Variants in KLRD1 observed in about 807,000 individuals in gnomAD.
The protein encoded by KLRD1 is killer cell lectin like receptor D1, also known as natural killer cells antigen CD94.
In KLRD1, 21 loss-of-function variants were observed where a neutral mutation model predicts 22.6. The ratio of observed to expected loss-of-function variants is 0.93; its 90% confidence interval spans 0.66 to 1.34. The LOEUF is 1.34. Ranked by LOEUF, KLRD1 falls within the 40% of genes most tolerant of loss-of-function variation. The pLI is 0.00. For synonymous variants in KLRD1, 59 were observed against 71.1 expected (o/e 0.83, Z 0.85); for missense variants, 183 against 208.6 (o/e 0.88, Z 0.76).
intron 1 of KLRD1, among the ~76,000 whole-genome samples, chr12:10,263,990 A>G (rs772514374): frequency 3.4e-4 from 52 of 152,222 alleles, no homozygotes; most frequent in Admixed American, 6.5e-4. Context: ...TGAACGTGAA[A>G]CAACCACTTC....
At chr12:10,286,697 C>T (rs758975836) in intron 1 of KLRD1, among the ~76,000 whole-genome samples, 7 of 88,046 alleles carry the variant, frequency 8.0e-5, no homozygotes, top group Admixed American at 1.9e-4. Context: ...TTTATAGAGA[C>T]GGGATCTCAC....
At chr12:10,273,874 T>C (rs566563558) in intron 1 of KLRD1, among the ~76,000 whole-genome samples, 2 of 152,030 alleles carry the variant, frequency 1.3e-5, no homozygotes, top group African/African-American at 4.8e-5. Context: ...CAAGGACAAG[T>C]AGAAAGCATA....
chr12:10,288,252 A>G (rs1949729356), intron 1 of KLRD1, among the ~76,000 whole-genome samples: 1 of 151,902 alleles, frequency 6.6e-6, no homozygotes, highest in Admixed American at 6.6e-5. Flanking sequence ...CAAAAAAAAA[A>G]AAAAAGAAAG....
chr12:10,269,701 C>T (rs567771469), intron 1 of KLRD1, among the ~76,000 whole-genome samples: 5 of 152,082 alleles, frequency 3.3e-5, no homozygotes, highest in Non-Finnish European at 4.4e-5. Context: ...TGGTTTATAT[C>T]TATCTATGCC....
chr12:10,266,935 T>C (rs1949506153), intron 1 of KLRD1, among the ~76,000 whole-genome samples: 1 of 150,882 alleles, frequency 6.6e-6, no homozygotes, highest in Admixed American at 6.6e-5. Flanking sequence ...CTTTGGTTTC[T>C]TTTTTTTCTT....
At chr12:10,266,600 A>G (rs1403356559) in intron 1 of KLRD1, among the ~76,000 whole-genome samples, 1 of 151,612 alleles carries the variant, frequency 6.6e-6, no homozygotes. Context: ...TTTAGTTTTT[A>G]TATTCTTAAA....
intron 5 of KLRD1, among the ~76,000 whole-genome samples, chr12:10,313,965 G>C (rs2927555): frequency 6.6e-6 from 1 of 152,094 alleles, no homozygotes; most frequent in Non-Finnish European, 1.5e-5. Flanking sequence ...GTTAACTGAA[G>C]TGCATTTTTC....
At chr12:10,291,526 A>G (rs1332891399) in intron 1 of KLRD1, among the ~76,000 whole-genome samples, 1 of 152,022 alleles carries the variant, frequency 6.6e-6, no homozygotes, top group Admixed American at 6.6e-5. Context: ...AGTAGATTCC[A>G]TCCCAAGAAA....
At chr12:10,240,782 A>G (rs1949234094) in intron 1 of KLRD1, among the ~76,000 whole-genome samples, 1 of 152,184 alleles carries the variant, frequency 6.6e-6, no homozygotes, top group Non-Finnish European at 1.5e-5. Flanking sequence ...TTAAGTCAGT[A>G]CATTTTCTGT....
rs1452154141 is a variant in KLRD1 at position 10,324,952 on chromosome 12, TAA to T, written c.*10161_*10162del. The T allele has an allele frequency of 7.9e-5, 12 of 151,444 alleles. No individual in the cohort carries two copies. The East Asian group carries it at 2.3e-3, about 29-fold the overall frequency. The allele number at this position is 151,444 out of a possible 1,614,324, so 9.4% of individuals were successfully genotyped here. A position where few individuals can be genotyped will look rare whatever the true frequency, so the allele number is the denominator to read the frequency against. Reference sequence around the variant, plus strand: ...TCATTGGGTTATCTGCATAGATGAATAAAGACAGTTTTTACCTCTTTCTTTTG... The same window carrying T: ...TCATTGGGTTATCTGCATAGATGAATAGACAGTTTTTACCTCTTTCTTTTG... On this transcript the variant is annotated 3_prime_UTR_variant, in exon 6 of 6. Coordinates refer to ENST00000336164, the MANE Select transcript of KLRD1 (RefSeq NM_002262.5).
chr12:10,329,283 ATGTAT>A lies in KLRD1; in HGVS notation c.*14494_*14498del, dbSNP rs1158787737. 2 of 152,182 alleles carry A rather than the reference ATGTAT, an allele frequency of 1.3e-5. No homozygotes were observed. The highest frequency in any genetic ancestry group is 2.9e-5 in the Non-Finnish European group (2 of 68,036). The allele number at this position is 152,182 out of a possible 1,614,324, so 9.4% of individuals were successfully genotyped here. On this transcript the variant is annotated 3_prime_UTR_variant, in exon 6 of 6. Transcript: ENST00000336164. ...TTCTTTGCAGATTGGTTGTTCAAAA[ATGTAT>A]TGTTAAATTATCACATATTTATTAG...
chr12:10,266,239 T>C (rs1016842289), intron 1 of KLRD1, among the ~76,000 whole-genome samples: 3 of 152,196 alleles, frequency 2.0e-5, no homozygotes, highest in African/African-American at 7.2e-5. Flanking sequence ...TTTTAAAGTA[T>C]AAGTAAATGT....
chr12:10,317,593 T>C lies in KLRD1; in HGVS notation c.*2800T>C, dbSNP rs1345650278. The C allele has an allele frequency of 6.6e-6, 1 of 152,258 alleles. No homozygotes were observed. Among genetic ancestry groups the C allele is most frequent in the Non-Finnish European group, 1.5e-5 (1 of 68,046 alleles). 9.4% of individuals were successfully genotyped at this position (152,258 alleles called of 1,614,324 possible). ...GCTTTTCTTCTGCTGATGCTGCCTG[T>C]TGCCTCCCTGGAAACATATTTTCCT... On this transcript the variant is annotated 3_prime_UTR_variant, in exon 6 of 6. Coordinates refer to ENST00000336164, the MANE Select transcript of KLRD1 (RefSeq NM_002262.5).
intron 1 of KLRD1, among the ~76,000 whole-genome samples, chr12:10,259,323 A>T (rs553851216): frequency 3.3e-5 from 5 of 152,154 alleles, no homozygotes; most frequent in Non-Finnish European, 5.9e-5. Flanking sequence ...CATCATCATC[A>T]TAGTTATGTA....
chr12:10,247,067 G>A (rs1379691449), intron 1 of KLRD1, among the ~76,000 whole-genome samples: 2 of 151,470 alleles, frequency 1.3e-5, no homozygotes, highest in Non-Finnish European at 2.9e-5. Flanking sequence ...CGAGTAGCTT[G>A]GATTACAGAT....
intron 1 of KLRD1, among the ~76,000 whole-genome samples, chr12:10,243,138 G>T (rs551875048): frequency 6.6e-6 from 1 of 151,984 alleles, no homozygotes; most frequent in Non-Finnish European, 1.5e-5. Flanking sequence ...GGGAGATGAT[G>T]GTCATATGGT....
rs1487019211 is a variant in KLRD1 at position 10,328,634 on chromosome 12, C to G, written c.*13841C>G. 6.6e-6 allele frequency: 1 copy of G among 152,066 alleles called. No homozygotes were observed. Among genetic ancestry groups the G allele is most frequent in the Non-Finnish European group, 1.5e-5 (1 of 68,014 alleles). 9.4% of individuals were successfully genotyped at this position (152,066 alleles called of 1,614,324 possible). On this transcript the variant is annotated 3_prime_UTR_variant, in exon 6 of 6. Transcript: ENST00000336164. ...ACTTTTTATATATCCTTTCCATTCA[C>G]TATTTTATTTCTGAACTAATCTTTA...
intron 1 of KLRD1, among the ~76,000 whole-genome samples, chr12:10,254,648 A>T (rs1323814678): frequency 6.6e-6 from 1 of 152,000 alleles, no homozygotes; most frequent in African/African-American, 2.4e-5. Flanking sequence ...CAGCACTTTG[A>T]GAGACTGAGG....
In KLRD1 at chr12:10,253,392, A is replaced by G. The variant is rs1949362960; in HGVS notation, c.-101+27159A>G. Among the ~76,000 whole-genome samples, 7 of 140,664 alleles carry G rather than the reference A, an allele frequency of 5.0e-5. No individual in the cohort carries two copies. The South Asian group carries it at 1.6e-3, about 32-fold the overall frequency. The allele number at this position is 140,664 out of a possible 152,430, so 92.3% of individuals were successfully genotyped here. On this transcript the variant is annotated intron_variant, in intron 1 of 5. Transcript: ENST00000544747. ...CATTGCAATGTCTTCGGATTCGGGC[A>G]TCTTTTCTTTCACAGTGTCTTTTTT...
Sources: allele counts gnomAD v4.1 joint callset (sites outside exome capture counted in the v4.1 genomes callset), GRCh38; gene constraint gnomAD v4.1.1; transcripts MANE v1.5; gene names NCBI Gene and HGNC (gene_info 2026-07-23, HGNC 2026-07-21).